Variants in BICRAL observed in about 807,000 individuals in gnomAD.
The protein encoded by BICRAL is BRD4-interacting chromatin-remodeling complex-associated protein-like.
BICRAL carries 8 observed loss-of-function variants against 91.8 expected under a neutral mutation model. That is an observed-to-expected ratio of 0.09 (90% CI 0.05 to 0.16). The LOEUF (loss-of-function observed/expected upper bound fraction) is 0.16, where lower values mean the gene tolerates loss of function less well. BICRAL is among the 10% of genes least tolerant of loss of function. The probability of loss-of-function intolerance (pLI) is 1.00; values close to 1 mark genes in which losing one functional copy is unlikely to be tolerated. For missense variants in BICRAL, 1,038 were observed against 1,310.9 expected (o/e 0.79, Z 3.21); for synonymous variants, 445 against 491.1 (o/e 0.91, Z 1.24).
intron 1 of BICRAL, among the ~76,000 whole-genome samples, chr6:42,782,596 A>G (rs1295736034): frequency 1.5e-5 from 1 of 68,340 alleles, no homozygotes; most frequent in Non-Finnish European, 2.9e-5. Flanking sequence ...AAATTTCTGG[A>G]GCGGGGAGAG....
intron 1 of BICRAL, among the ~76,000 whole-genome samples, chr6:42,809,618 G>A (rs545613959): frequency 3.3e-5 from 5 of 151,438 alleles, no homozygotes; most frequent in Admixed American, 2.6e-4. Context: ...GGGACCACAG[G>A]CCCAAGCCAC....
Position 42,810,357 on chromosome 6 carries a change from T to C in BICRAL, c.-50T>C, listed in dbSNP as rs980285999. ...GCCCAGCGATTTCACCTGAAGAAGC[T>C]TGGGAACTCCTGCCAAAAATTGTAG... is the stretch of plus-strand genomic sequence containing the variant. On this transcript the variant is annotated 5_prime_UTR_variant, in exon 2 of 13. Coordinates refer to ENST00000314073, the MANE Select transcript of BICRAL (RefSeq NM_001393499.1). 1 of 152,228 alleles carries C rather than the reference T, an allele frequency of 6.6e-6. No individual in the cohort carries two copies. Among genetic ancestry groups the C allele is most frequent in the African/African-American group, 2.4e-5 (1 of 41,468 alleles). The allele number at this position is 152,228 out of a possible 1,614,324, so 9.4% of individuals were successfully genotyped here.
intron 6 of BICRAL, among the ~76,000 whole-genome samples, chr6:42,834,489 G>A (rs1049936628): frequency 1.3e-5 from 2 of 152,092 alleles, no homozygotes; most frequent in East Asian, 1.9e-4. Context: ...TCATGGCCTC[G>A]AAATAGAGAC....
chr6:42,777,113 A>G (rs1177431534), upstream of BICRAL, among the ~76,000 whole-genome samples: 1 of 152,266 alleles, frequency 6.6e-6, no homozygotes, highest in Non-Finnish European at 1.5e-5. Context: ...GAAACATATT[A>G]GGTTGAATCA....
chr6:42,822,236 ATTC>A (rs1347850604), intron 3 of BICRAL, among the ~76,000 whole-genome samples, 173 bp downstream of exon 3: 1 of 151,630 alleles, frequency 6.6e-6, no homozygotes, highest in East Asian at 1.9e-4. Flanking sequence ...TAATTCAGTA[ATTC>A]TTTTTTTTTT....
intron 1 of BICRAL, among the ~76,000 whole-genome samples, chr6:42,770,297 C>A (rs896556281): frequency 1.1e-4 from 16 of 152,044 alleles, no homozygotes; most frequent in Admixed American, 9.2e-4. Flanking sequence ...GGCGTGATCT[C>A]GGCTCACTGC....
intron 1 of BICRAL, among the ~76,000 whole-genome samples, chr6:42,748,764 T>C (rs1283597478): frequency 6.6e-6 from 1 of 152,138 alleles, no homozygotes; most frequent in African/African-American, 2.4e-5. Flanking sequence ...CTGTGAGGTA[T>C]GTGGTCAAGA....
intron 10 of BICRAL, among the ~76,000 whole-genome samples, chr6:42,857,631 A>G (rs1165985701): frequency 3.0e-5 from 4 of 133,486 alleles, no homozygotes; most frequent in Non-Finnish European, 6.2e-5. Flanking sequence ...ATATATATAT[A>G]TATATTTTTT....
At chr6:42,818,672 C>G (rs991420639) in intron 2 of BICRAL, among the ~76,000 whole-genome samples, 1 of 151,978 alleles carries the variant, frequency 6.6e-6, no homozygotes, top group Non-Finnish European at 1.5e-5. Context: ...AAAATTCTCC[C>G]ATGAGTTATT....
chr6:42,826,451 T>C (rs193254865), intron 5 of BICRAL, among the ~76,000 whole-genome samples: 1 of 151,902 alleles, frequency 6.6e-6, no homozygotes, highest in African/African-American at 2.4e-5. Flanking sequence ...GCCAGGCTGG[T>C]CTTGAACTCC....
rs187883383 is a variant in BICRAL at position 42,825,422 on chromosome 6, G to A, written c.159+2419G>A. Among the ~76,000 whole-genome samples the A allele has an allele frequency of 6.9e-3, 1,044 of 151,842 alleles. 4 individuals are homozygous for A. Among genetic ancestry groups the A allele is most frequent in the African/African-American group, 0.022 (914 of 41,374 alleles). On this transcript the variant is annotated intron_variant, in intron 5 of 12. Transcript: ENST00000314073. ...TACTAAAAATACAAAAAAATTAGCCGGGCGTTGTGGCGGCTGCCTGTAGTC... is the reference window on the plus strand; with the variant it reads ...TACTAAAAATACAAAAAAATTAGCCAGGCGTTGTGGCGGCTGCCTGTAGTC...
chr6:42,855,549 G>C (rs1263519347), intron 8 of BICRAL, among the ~76,000 whole-genome samples: 1 of 150,964 alleles, frequency 6.6e-6, no homozygotes, highest in Non-Finnish European at 1.5e-5. Context: ...CAAAAAACAT[G>C]ATGATGATGA....
At chr6:42,799,529 T>TGTGATCC in intron 1 of BICRAL, among the ~76,000 whole-genome samples, 1 of 151,404 alleles carries the variant, frequency 6.6e-6, no homozygotes, top group East Asian at 2.0e-4. Flanking sequence ...CTCTTGACCT[T>TGTGATCC]GTGATCCATG....
chr6:42,859,964 C>T (rs763887422), intron 10 of BICRAL, among the ~76,000 whole-genome samples: 5 of 151,910 alleles, frequency 3.3e-5, no homozygotes, highest in Admixed American at 1.3e-4. Context: ...ATATTTATTG[C>T]GAGTCTGTTA....
chr6:42,788,381 C>T (rs1181753568), intron 1 of BICRAL, among the ~76,000 whole-genome samples: 1 of 152,030 alleles, frequency 6.6e-6, no homozygotes, highest in African/African-American at 2.4e-5. Flanking sequence ...TGCACCACCA[C>T]ACCCAGCTAA....
At chr6:42,767,641 G>C (rs1762654348) in intron 1 of BICRAL, among the ~76,000 whole-genome samples, 1 of 152,210 alleles carries the variant, frequency 6.6e-6, no homozygotes. Context: ...AGTTGGCCCT[G>C]GGGAGAAGGG....
At chr6:42,799,326 T>G (rs1423667402) in intron 1 of BICRAL, among the ~76,000 whole-genome samples, 1 of 149,266 alleles carries the variant, frequency 6.7e-6, no homozygotes, top group Non-Finnish European at 1.5e-5. Flanking sequence ...TGAGATGGAG[T>G]CTTGCTCTGT....
At chr6:42,790,187 T>C (rs1401277937) in intron 1 of BICRAL, among the ~76,000 whole-genome samples, 2 of 152,052 alleles carry the variant, frequency 1.3e-5, no homozygotes, top group African/African-American at 2.4e-5. Flanking sequence ...TGAGACAGGT[T>C]CTCACTGTTA....
At chr6:42,751,681 G>A (rs1342620783) in intron 1 of BICRAL, among the ~76,000 whole-genome samples, 4 of 144,514 alleles carry the variant, frequency 2.8e-5, no homozygotes, top group Non-Finnish European at 4.5e-5. Flanking sequence ...TTTTGAGACG[G>A]AGTTTTGCCC....
Sources: allele counts gnomAD v4.1 joint callset (sites outside exome capture counted in the v4.1 genomes callset), GRCh38; gene constraint gnomAD v4.1.1; transcripts MANE v1.5; gene names NCBI Gene and HGNC (gene_info 2026-07-23, HGNC 2026-07-21).